GRIK1: variants seen among roughly 807,000 people sequenced by gnomAD.
GRIK1 encodes the protein glutamate receptor ionotropic, kainate 1.
In GRIK1, 69 loss-of-function variants were observed where a neutral mutation model predicts 105.7. That is an observed-to-expected ratio of 0.65 (90% CI 0.54 to 0.80). GRIK1 has a LOEUF of 0.80. Among genes scored for constraint, GRIK1 ranks in the 30% least tolerant of loss-of-function variants. The pLI is 0.00. For missense variants in GRIK1, 1,109 were observed against 1,167.3 expected, an observed-to-expected ratio of 0.95 and a Z score of 0.73; for synonymous variants, 438 against 431.3, an observed-to-expected ratio of 1.02 and a Z score of -0.19.
At chr21:29,568,448 C>T (rs898792519) in intron 14 of GRIK1, among the ~76,000 whole-genome samples, 27 of 152,200 alleles carry the variant, frequency 1.8e-4, no homozygotes, top group Non-Finnish European at 1.5e-5. Flanking sequence ...TAACCACTCC[C>T]TGGAAAGAGA....
intron 1 of GRIK1, chr21:29,748,379 T>A (rs1204158186): frequency 6.6e-6 from 1 of 152,228 alleles, no homozygotes; most frequent in Non-Finnish European, 1.5e-5. Flanking sequence ...CTGGACCACC[T>A]TTGTCTGTCT....
At chr21:29,695,154 G>A (rs2063671152) in intron 1 of GRIK1, among the ~76,000 whole-genome samples, 2 of 152,116 alleles carry the variant, frequency 1.3e-5, no homozygotes, top group South Asian at 4.1e-4. Flanking sequence ...AGTGCTTAAA[G>A]CCTCATCAGA....
chr21:29,603,745 G>T (rs904789247), intron 7 of GRIK1, among the ~76,000 whole-genome samples: 1 of 152,178 alleles, frequency 6.6e-6, no homozygotes. Flanking sequence ...ATCTGTCTGA[G>T]AGCTGAGAAC....
intron 1 of GRIK1, among the ~76,000 whole-genome samples, chr21:29,829,848 A>C (rs1427768152): frequency 6.6e-6 from 1 of 152,196 alleles, no homozygotes; most frequent in African/African-American, 2.4e-5. Flanking sequence ...AAAGAATAGA[A>C]ACATTTTCAC....
At chr21:29,605,481 G>A (rs2061595077) in intron 7 of GRIK1, among the ~76,000 whole-genome samples, 1 of 152,084 alleles carries the variant, frequency 6.6e-6, no homozygotes. Flanking sequence ...GGGCAATTGG[G>A]TTGGTTCCAT....
rs373407134 is a variant in GRIK1, at chr21:29,741,330, G to GT, written c.119-47268dup. 9.4e-4 allele frequency among the ~76,000 whole-genome samples: 143 copies of GT among 151,992 alleles called. 3 individuals carry two copies. The South Asian group carries it at 0.021, about 22-fold the overall frequency. On this transcript the variant is annotated intron_variant, in intron 1 of 17. Transcript: ENST00000327783. ...TTCAATCATTGACAGGTTAATTTAT[G>GT]TTTTTTTTAAATTAGAACATCAATA...
intron 1 of GRIK1, among the ~76,000 whole-genome samples, chr21:29,801,882 T>C (rs1324445951): frequency 6.6e-6 from 1 of 152,192 alleles, no homozygotes; most frequent in Non-Finnish European, 1.5e-5. Flanking sequence ...TTTTCTTTTT[T>C]TCTTTTGTAG....
chr21:29,576,931 A>C, intron 14 of GRIK1, 33 bp downstream of exon 14: 1 of 1,163,102 alleles, frequency 8.6e-7, no homozygotes. Flanking sequence ...CAAGTATCAG[A>C]TAATCACTGA....
intron 3 of GRIK1, among the ~76,000 whole-genome samples, chr21:29,675,531 T>C (rs1270037287): frequency 6.6e-6 from 1 of 152,218 alleles, no homozygotes; most frequent in Non-Finnish European, 1.5e-5. Context: ...ATGACTTACA[T>C]ATTTATAGGA....
At chr21:29,889,040 G>A (rs2069789946) in intron 1 of GRIK1, among the ~76,000 whole-genome samples, 1 of 151,798 alleles carries the variant, frequency 6.6e-6, no homozygotes, top group African/African-American at 2.4e-5. Context: ...ACTTCTCAAG[G>A]GCAAAAACCT....
chr21:29,754,961 T>TCTAG (rs1300520310), intron 1 of GRIK1, among the ~76,000 whole-genome samples: 1 of 152,218 alleles, frequency 6.6e-6, no homozygotes, highest in Non-Finnish European at 1.5e-5. Context: ...TCTAAATCTA[T>TCTAG]CTAGCTAGCT....
rs143060147 is a variant in GRIK1, at chr21:29,588,480, G to A, written c.1569+359C>T. Among the ~76,000 whole-genome samples, 59 of 152,100 alleles carry A rather than the reference G, an allele frequency of 3.9e-4. No individual in the cohort carries two copies. In the East Asian group the frequency reaches 0.011, roughly 27 times the overall value. ...TGTCTAGCATCTCCCCTGCTTTCAC[G>A]CATTCTCTCACCTGCCACCCTGTGA... On this transcript the variant is annotated intron_variant, in intron 11 of 17. Coordinates refer to ENST00000327783, the MANE Select transcript of GRIK1 (RefSeq NM_001330994.2).
intron 4 of GRIK1, among the ~76,000 whole-genome samples, chr21:29,663,881 T>A (rs1283182378): frequency 6.6e-6 from 1 of 151,946 alleles, no homozygotes; most frequent in South Asian, 2.1e-4. Context: ...GGTTAGGAAA[T>A]AGGAGGGGAA....
intron 13 of GRIK1, among the ~76,000 whole-genome samples, chr21:29,578,122 AG>A (rs1198070986): frequency 6.6e-6 from 1 of 152,230 alleles, no homozygotes; most frequent in Non-Finnish European, 1.5e-5. Flanking sequence ...AGTTCACTCC[AG>A]TTGTACTGAT....
At chr21:29,717,473 T>G (rs2064206872) in intron 1 of GRIK1, among the ~76,000 whole-genome samples, 1 of 152,216 alleles carries the variant, frequency 6.6e-6, no homozygotes, top group East Asian at 1.9e-4. Context: ...AGAGCCCACC[T>G]TTTACATCAG....
chr21:29,682,382 TC>T (rs2063397723), intron 3 of GRIK1, among the ~76,000 whole-genome samples: 1 of 152,220 alleles, frequency 6.6e-6, no homozygotes, highest in Non-Finnish European at 1.5e-5. Context: ...AGGGCTGGCG[TC>T]GTTGTGAATT....
intron 15 of GRIK1, among the ~76,000 whole-genome samples, chr21:29,558,502 C>T (rs1306561134): frequency 6.6e-6 from 1 of 151,704 alleles, no homozygotes; most frequent in African/African-American, 2.4e-5. Flanking sequence ...GATGTATTCT[C>T]CATGAGGTCT....
chr21:29,689,609 A>C (rs1406441162), intron 3 of GRIK1, 119 bp downstream of exon 3: 1 of 797,774 alleles, frequency 1.3e-6, no homozygotes, highest in African/African-American at 1.7e-5. Context: ...ATATTCAGTT[A>C]GCTTTATATA....
chr21:29,759,043 G>A (rs1377315875), intron 1 of GRIK1: 2 of 153,104 alleles, frequency 1.3e-5, no homozygotes, highest in Admixed American at 6.5e-5. Context: ...TCTGGCTTCA[G>A]AAGCTCCCCT....
Sources: allele counts gnomAD v4.1 joint callset (sites outside exome capture counted in the v4.1 genomes callset), GRCh38; gene constraint gnomAD v4.1.1; transcripts MANE v1.5; gene names NCBI Gene and HGNC (gene_info 2026-07-23, HGNC 2026-07-21).